The following SPEN variants were observed in gnomAD, a reference collection of about 807,000 sequenced individuals.
SPEN encodes the protein msx2-interacting protein.
In SPEN, 18 loss-of-function variants were observed where a neutral mutation model predicts 269.9. That is an observed-to-expected ratio of 0.07 (90% CI 0.05 to 0.10). The LOEUF is 0.10. Among genes scored for constraint, SPEN ranks in the 10% least tolerant of loss-of-function variants. The pLI is 1.00. For synonymous variants in SPEN, 1,726 were observed against 1,765.7 expected (o/e 0.98, Z 0.56); for missense variants, 3,822 against 4,631.2 (o/e 0.83, Z 5.07).
At chr1:15,923,646 T>C (rs2071139020) in intron 10 of SPEN, among the ~76,000 whole-genome samples, 1 of 152,036 alleles carries the variant, frequency 6.6e-6, no homozygotes, top group Admixed American at 6.6e-5. Flanking sequence ...AGTGGAATAT[T>C]GTACAACAGT....
chr1:15,864,470 GTT>G (rs371257174), intron 1 of SPEN, among the ~76,000 whole-genome samples: 5 of 132,366 alleles, frequency 3.8e-5, no homozygotes, highest in Non-Finnish European at 4.8e-5. Flanking sequence ...GTGCCGGCCG[GTT>G]TTTTTTTTTT....
rs2071278342 is a variant in SPEN, at chr1:15,936,644, A to AAAAAAAAG, written c.10026+385_10026+386insGAAAAAAA. Among the ~76,000 whole-genome samples, 4 of 149,550 alleles carry AAAAAAAAG rather than the reference A, an allele frequency of 2.7e-5. No homozygotes were observed. The South Asian group carries it at 8.4e-4, about 31-fold the overall frequency. ...AGTGACAGAGCGAGACCCAGTCTCA[A>AAAAAAAAG]AAAAAAAAAAAGCCGGGCATAGTGG... is the stretch of plus-strand genomic sequence containing the variant. On this transcript the variant is annotated intron_variant, in intron 11 of 14. Coordinates refer to ENST00000375759, the MANE Select transcript of SPEN (RefSeq NM_015001.3).
At chr1:15,889,587 C>T (rs1296914957) in intron 3 of SPEN, among the ~76,000 whole-genome samples, 2 of 152,184 alleles carry the variant, frequency 1.3e-5, no homozygotes, top group Non-Finnish European at 2.9e-5. Context: ...TCTTGCTGTC[C>T]ATTCCTGTGT....
At position 15,855,992 on chromosome 1, in the gene SPEN, T is replaced by C. The variant is rs1448752064; in HGVS notation, c.83+7842T>C. ...ATTGTGTGAAAAGGATGCTAGAACT[T>C]TTTTTTTTTTTTTTTTTTGAGACGG... On this transcript the variant is annotated intron_variant, in intron 1 of 14. Coordinates refer to ENST00000375759, the MANE Select transcript of SPEN (RefSeq NM_015001.3). Among the ~76,000 whole-genome samples, 45 of 143,424 alleles carry C rather than the reference T, an allele frequency of 3.1e-4. 4 individuals carry two copies. Among genetic ancestry groups the C allele is most frequent in the African/African-American group, 7.2e-4 (28 of 39,098 alleles). 94.1% of individuals were successfully genotyped at this position (143,424 alleles called of 152,430 possible). A position where few individuals can be genotyped will look rare whatever the true frequency, so the allele number is the denominator to read the frequency against.
At position 15,848,192 on chromosome 1, in the gene SPEN, G is replaced by T; in HGVS notation, c.83+42G>T. On this transcript the variant is annotated intron_variant, in intron 1 of 14. Coordinates refer to ENST00000375759, the MANE Select transcript of SPEN (RefSeq NM_015001.3). This position sits in a 1 kb window ranked among gnomAD's most constrained non-coding sequence, Gnocchi z 5.1. ...CCGCGGCCGCGCTCGCTCCTCGGGC[G>T]CCGCTTCCCGCCCCGGCCCGTTGCC... The T allele has an allele frequency of 7.4e-7, 1 of 1,359,000 alleles. No homozygotes were observed. 84.2% of individuals were successfully genotyped at this position (1,359,000 alleles called of 1,614,324 possible).
intron 2 of SPEN, chr1:15,874,299 AC>A: frequency 1.5e-6 from 2 of 1,366,286 alleles, no homozygotes; most frequent in African/African-American, 1.5e-5. Context: ...AAGGTGGATT[AC>A]CCCCATAAGA....
chr1:15,915,644 C>G (rs1225753148), intron 5 of SPEN, among the ~76,000 whole-genome samples: 1 of 152,176 alleles, frequency 6.6e-6, no homozygotes, highest in Non-Finnish European at 1.5e-5. Flanking sequence ...ATGCTATTCT[C>G]CCACCTCCGC....
In SPEN at chr1:15,923,075, A is replaced by T. The variant is rs375744610; in HGVS notation, c.1850+726A>T. 2.6e-5 allele frequency among the ~76,000 whole-genome samples: 4 copies of T among 152,196 alleles called. No individual in the cohort carries two copies. The East Asian group carries it at 5.8e-4, about 22-fold the overall frequency. ...GTATGTGCTCATACATTTAACTTAAAAAATAAATAAATAAATAAAAACTTC... is the reference window on the plus strand; with the variant it reads ...GTATGTGCTCATACATTTAACTTAATAAATAAATAAATAAATAAAAACTTC... On this transcript the variant is annotated intron_variant, in intron 10 of 14. Coordinates refer to ENST00000375759, the MANE Select transcript of SPEN (RefSeq NM_015001.3).
intron 6 of SPEN, chr1:15,917,953 C>G (rs774042739): frequency 1.3e-5 from 2 of 152,218 alleles, no homozygotes; most frequent in Non-Finnish European, 2.9e-5. Flanking sequence ...CAGCCCCACC[C>G]CAATGTCCTT....
intron 3 of SPEN, among the ~76,000 whole-genome samples, chr1:15,897,196 C>T (rs1476478434): frequency 6.6e-6 from 1 of 150,996 alleles, no homozygotes; most frequent in Non-Finnish European, 1.5e-5. Context: ...ATAATAAAAA[C>T]TTTGTTTTTT....
rs1325358802 is a variant in SPEN, at chr1:15,939,579, C to T, written c.*152C>T. 1.7e-5 allele frequency: 16 copies of T among 920,342 alleles called. No individual in the cohort carries two copies. Among genetic ancestry groups the T allele is most frequent in the East Asian group, 1.2e-4 (4 of 33,752 alleles). 57.0% of individuals were successfully genotyped at this position (920,342 alleles called of 1,614,324 possible). On this transcript the variant is annotated 3_prime_UTR_variant, in exon 15 of 15. Transcript: ENST00000375759. This position sits in a 1 kb window ranked among gnomAD's most constrained non-coding sequence, Gnocchi z 4.1. ...TTGCTGTCCTGCCGCCCGGCTCAGT[C>T]GGCCAGACTTCCTCTAGGAGTGGTG...
chr1:15,874,234 A>AT lies in SPEN; in HGVS notation c.404+1108dup, dbSNP rs761626223. 185 of 1,327,714 alleles carry AT rather than the reference A, an allele frequency of 1.4e-4. 1 individual carries two copies. The highest frequency in any genetic ancestry group is 6.4e-4 in the Middle Eastern group (3 of 4,692). The allele number at this position is 1,327,714 out of a possible 1,614,324, so 82.2% of individuals were successfully genotyped here. ...GGAATTATTTTGTCTGGTCACTAAG[A>AT]TTTTTTTTTTCTTGTGGTTCATCTA... is the stretch of plus-strand genomic sequence containing the variant. On this transcript the variant is annotated intron_variant, in intron 2 of 14. Coordinates refer to ENST00000375759, the MANE Select transcript of SPEN (RefSeq NM_015001.3).
rs528641552 is a variant in SPEN, at chr1:15,916,599, C to T, written c.1395+320C>T. Among the ~76,000 whole-genome samples the T allele has an allele frequency of 2.7e-5, 4 of 150,426 alleles. No individual in the cohort carries two copies. The East Asian group carries it at 7.8e-4, about 29-fold the overall frequency. On this transcript the variant is annotated intron_variant, in intron 6 of 14. Coordinates refer to ENST00000375759, the MANE Select transcript of SPEN (RefSeq NM_015001.3). Reference sequence around the variant, plus strand: ...GATCACGACTCACTGCAGCCTCAACCTCCTGGGCTCAAGTGATCCTCCCAT... The same window carrying T: ...GATCACGACTCACTGCAGCCTCAACTTCCTGGGCTCAAGTGATCCTCCCAT...
chr1:15,854,890 C>G (rs191670092), intron 1 of SPEN, among the ~76,000 whole-genome samples: 1 of 152,188 alleles, frequency 6.6e-6, no homozygotes, highest in East Asian at 1.9e-4. Flanking sequence ...TCTCAATATT[C>G]AGATTGTTCT....
intron 3 of SPEN, among the ~76,000 whole-genome samples, chr1:15,879,040 AAAAG>A (rs2070661632): frequency 6.6e-6 from 1 of 151,408 alleles, no homozygotes; most frequent in African/African-American, 2.4e-5. Context: ...GAAAAGAAAA[AAAAG>A]AAAAAGTGCT....
intron 3 of SPEN, among the ~76,000 whole-genome samples, chr1:15,907,238 T>A (rs911832907): frequency 1.3e-5 from 2 of 152,128 alleles, no homozygotes; most frequent in Admixed American, 1.3e-4. Flanking sequence ...TCCCAGCACA[T>A]TGGGAGGCTG....
intron 3 of SPEN, among the ~76,000 whole-genome samples, chr1:15,900,236 C>G (rs2070886991): frequency 1.3e-5 from 2 of 152,266 alleles, no homozygotes; most frequent in South Asian, 4.1e-4. Flanking sequence ...AGACCTTTTT[C>G]TAATTTCTTC....
chr1:15,937,540 A>C lies in SPEN; in HGVS notation c.10404A>C (p.Pro3468=). ...CAACAACCTCTGGCCCCAGCACCCC[A>C]CCAGGACTGGTTCTGCCACACACTG... ...FVPTTSGPST[P]PGLVLPHTEF... is the part of the protein sequence containing the mutation. The change falls in exon 12 of 15, where the codon CCA becomes CCC. Residue 3468 remains proline (P), a synonymous_variant. Transcript: ENST00000375759. The surrounding 1 kb of genome is among the most constrained non-coding windows in gnomAD (Gnocchi z 5.7). 1 of 1,613,822 alleles carries C rather than the reference A, an allele frequency of 6.2e-7. No individual in the cohort carries two copies. The highest frequency in any genetic ancestry group is 8.5e-7 in the Non-Finnish European group (1 of 1,179,948).
intron 1 of SPEN, among the ~76,000 whole-genome samples, chr1:15,858,545 T>G (rs149909113): frequency 4.6e-5 from 7 of 152,360 alleles, no homozygotes; most frequent in African/African-American, 1.4e-4. Flanking sequence ...TACGCCCTGT[T>G]GTTTTCACAA....
Sources: allele counts gnomAD v4.1 joint callset (sites outside exome capture counted in the v4.1 genomes callset), GRCh38; gene constraint gnomAD v4.1.1; non-coding constraint Gnocchi (gnomAD v3.1); transcripts MANE v1.5; gene names NCBI Gene and HGNC (gene_info 2026-07-23, HGNC 2026-07-21).